LSM14A: variants seen among roughly 807,000 people sequenced by gnomAD.
LSM14A encodes LSM14A mRNA processing body assembly factor.
In LSM14A, 14 loss-of-function variants were observed where a neutral mutation model predicts 52.4. The observed-to-expected ratio is 0.27, with a 90% CI of 0.18 to 0.42. LSM14A has a LOEUF of 0.42. Ranked by LOEUF, LSM14A falls within the 10% of genes least tolerant of loss-of-function variation. LSM14A has a pLI of 1.00. For missense variants in LSM14A, 417 were observed against 581.8 expected (o/e 0.72, Z 2.91); for synonymous variants, 185 against 200.3 (o/e 0.92, Z 0.64).
rs374191373 is a variant in LSM14A at position 34,207,677 on chromosome 19, A to G, written c.416-1252A>G. On this transcript the variant is annotated intron_variant, in intron 3 of 9. Transcript: ENST00000544216. ...CTCCTGAGTAGCTGGGACTGCAGGC[A>G]TGCGCCACCACGCCCAGCTAATTTT... Among the ~76,000 whole-genome samples, 100 of 152,154 alleles carry G rather than the reference A, an allele frequency of 6.6e-4. 1 individual carries two copies. Among genetic ancestry groups the G allele is most frequent in the African/African-American group, 2.3e-3 (96 of 41,516 alleles).
chr19:34,179,046 T>G (rs1412153533), intron 1 of LSM14A, among the ~76,000 whole-genome samples: 1 of 152,192 alleles, frequency 6.6e-6, no homozygotes, highest in Non-Finnish European at 1.5e-5. Flanking sequence ...ATGAATGAAA[T>G]TCTTATAAAA....
At position 34,215,674 on chromosome 19, in the gene LSM14A, A is replaced by C. The variant is rs763441473; in HGVS notation, c.781+13A>C. The C allele has an allele frequency of 7.6e-6, 12 of 1,574,838 alleles. No homozygotes were observed. The highest frequency in any genetic ancestry group is 9.6e-6 in the Non-Finnish European group (11 of 1,145,126). ...AAGAGACAAGTAGGTAAGTTCTTGG[A>C]TCTAAAAGTCATATTCTATGCTTCT... On this transcript the variant is annotated intron_variant, in intron 6 of 9. Coordinates refer to ENST00000544216, the MANE Select transcript of LSM14A (RefSeq NM_015578.4).
At chr19:34,183,226 C>T (rs1357054931) in intron 1 of LSM14A, among the ~76,000 whole-genome samples, 2 of 152,054 alleles carry the variant, frequency 1.3e-5, no homozygotes, top group South Asian at 2.1e-4. Context: ...TTGATAAATC[C>T]TATCAAAACT....
At chr19:34,184,055 CT>C (rs34912989) in intron 1 of LSM14A, among the ~76,000 whole-genome samples, 136 of 129,828 alleles carry the variant, frequency 1.0e-3, no homozygotes, top group Admixed American at 1.1e-3. Flanking sequence ...CTTTCCTTTG[CT>C]TTTTTTTTTT....
chr19:34,174,251 T>G (rs894598903), intron 1 of LSM14A, among the ~76,000 whole-genome samples: 1 of 152,226 alleles, frequency 6.6e-6, no homozygotes, highest in African/African-American at 2.4e-5. Context: ...GCCCAGCCTC[T>G]GGTAAATCTT....
intron 1 of LSM14A, among the ~76,000 whole-genome samples, chr19:34,184,950 GCTAT>G (rs1183296560): frequency 6.6e-6 from 1 of 152,116 alleles, no homozygotes; most frequent in Non-Finnish European, 1.5e-5. Context: ...AGATGTTAAG[GCTAT>G]CTGTTATGTT....
chr19:34,202,360 G>A (rs1599692174), intron 3 of LSM14A, among the ~76,000 whole-genome samples: 1 of 151,478 alleles, frequency 6.6e-6, no homozygotes, highest in Non-Finnish European at 1.5e-5. Context: ...AAGCATGGTG[G>A]CACACTCCTG....
chr19:34,202,810 A>G (rs1451672694), intron 3 of LSM14A, among the ~76,000 whole-genome samples: 4 of 151,596 alleles, frequency 2.6e-5, no homozygotes, highest in Non-Finnish European at 5.9e-5. Flanking sequence ...GCCCGCCACC[A>G]CGCCCGGGTA....
chr19:34,192,632 C>CAAAAAAAAAAAAAAAAAAAAAAAAAAAA (rs548374017), intron 1 of LSM14A, among the ~76,000 whole-genome samples: 1 of 76,952 alleles, frequency 1.3e-5, no homozygotes, highest in Non-Finnish European at 2.4e-5. Flanking sequence ...ATCAGTTCTG[C>CAAAAAAAAAAAAAAAAAAAAAAAAAAAA]AAAAAAAAAA....
At chr19:34,196,569 A>ATT in intron 2 of LSM14A, 65 bp from the exon 3 acceptor site, 16 of 1,390,050 alleles carry the variant, frequency 1.2e-5, no homozygotes, top group South Asian at 9.2e-5. Flanking sequence ...AAAATCTGGA[A>ATT]TTTTTTTTTT....
At chr19:34,178,563 T>C (rs2069245354) in intron 1 of LSM14A, among the ~76,000 whole-genome samples, 1 of 152,260 alleles carries the variant, frequency 6.6e-6, no homozygotes, top group Admixed American at 6.5e-5. Context: ...TCTTCTTTGC[T>C]TATTTGCATA....
intron 9 of LSM14A, chr19:34,226,388 T>C (rs2073345467): frequency 2.0e-6 from 3 of 1,482,486 alleles, no homozygotes; most frequent in Non-Finnish European, 2.7e-6. Context: ...TTTTTTTTTT[T>C]TTTTTTTTTT....
intron 4 of LSM14A, among the ~76,000 whole-genome samples, chr19:34,211,829 A>G (rs899745652): frequency 1.3e-5 from 2 of 152,128 alleles, no homozygotes; most frequent in Non-Finnish European, 2.9e-5. Flanking sequence ...TTTACTCCTC[A>G]TAGTTAACAA....
chr19:34,194,994 A>G (rs569569928), intron 2 of LSM14A, among the ~76,000 whole-genome samples: 2 of 152,102 alleles, frequency 1.3e-5, no homozygotes, highest in South Asian at 4.2e-4. Flanking sequence ...ATGGAGCCAC[A>G]ATTTGAACAG....
At chr19:34,200,935 A>G (rs1371490708) in intron 3 of LSM14A, among the ~76,000 whole-genome samples, 2 of 152,208 alleles carry the variant, frequency 1.3e-5, no homozygotes, top group Non-Finnish European at 2.9e-5. Flanking sequence ...TTATGTTACC[A>G]TGAAGTTTAT....
chr19:34,189,174 C>T (rs1161956209), intron 1 of LSM14A, among the ~76,000 whole-genome samples: 1 of 152,126 alleles, frequency 6.6e-6, no homozygotes, highest in Non-Finnish European at 1.5e-5. Context: ...CAAAATATCC[C>T]AGAATCAGAT....
chr19:34,215,330 A>G (rs756800228), intron 5 of LSM14A, 30 bp downstream of exon 5: 1 of 1,562,988 alleles, frequency 6.4e-7, no homozygotes, highest in African/African-American at 1.4e-5. Context: ...CTGTTCCTTA[A>G]TTGACTGATC....
rs560061968 is a variant in LSM14A, at chr19:34,221,363, T to C, written c.1137-144T>C. ...TCCCAAAGTGCTGGGATTACAGGCGTGAGCCATCACGCCTAGCCAAGATGC... is the reference window on the plus strand; with the variant it reads ...TCCCAAAGTGCTGGGATTACAGGCGCGAGCCATCACGCCTAGCCAAGATGC... On this transcript the variant is annotated intron_variant, in intron 8 of 9. Coordinates refer to ENST00000544216, the MANE Select transcript of LSM14A (RefSeq NM_015578.4). The C allele has an allele frequency of 3.5e-4, 329 of 950,222 alleles. 1 individual carries two copies. The highest frequency in any genetic ancestry group is 2.1e-3 in the Middle Eastern group (6 of 2,872). The allele number at this position is 950,222 out of a possible 1,614,324, so 58.9% of individuals were successfully genotyped here.
Position 34,219,436 on chromosome 19 carries a change from G to C in LSM14A, c.827G>C (p.Arg276Pro). Residue 276 changes from arginine (R) to proline (P), a missense_variant, in exon 7 of 10, where the codon CGG becomes CCG. By Grantham distance (103) the Arg-to-Pro change is moderately radical. This residue lies in a region of LSM14A where 357 missense variants were observed against 457.0 expected (regional missense o/e 0.78). Coordinates refer to ENST00000544216, the MANE Select transcript of LSM14A (RefSeq NM_015578.4). The stretch of plus-strand genomic sequence containing the variant: ...CCAAGGAGAGGGCGTGGGGGTCATC[G>C]GGGTGGCAGGGGAAGATTTGGTATT... The part of the protein sequence containing the change: ...SAPRRGRGGH[R>P]GGRGRFGIRR... The C allele has an allele frequency of 6.2e-7, 1 of 1,613,908 alleles. No homozygotes were observed. The highest frequency in any genetic ancestry group is 8.5e-7 in the Non-Finnish European group (1 of 1,179,902).
Sources: allele counts gnomAD v4.1 joint callset (sites outside exome capture counted in the v4.1 genomes callset), GRCh38; gene constraint gnomAD v4.1.1; regional missense constraint gnomAD v4.1.1; transcripts MANE v1.5; gene names NCBI Gene and HGNC (gene_info 2026-07-23, HGNC 2026-07-21).